PLEKHA6: variants seen among roughly 807,000 people sequenced by gnomAD.
PLEKHA6 encodes the protein pleckstrin homology domain-containing family A member 6.
A neutral mutation model predicts 116.7 loss-of-function variants in PLEKHA6; 60 were observed. That is an observed-to-expected ratio of 0.51 (90% CI 0.42 to 0.64). PLEKHA6 has a LOEUF of 0.64. Ranked by LOEUF, PLEKHA6 falls within the 30% of genes least tolerant of loss-of-function variation. PLEKHA6 has a pLI of 0.00. For missense variants in PLEKHA6, 1,338 were observed against 1,422.7 expected, an observed-to-expected ratio of 0.94 and a Z score of 0.96; for synonymous variants, 489 against 556.1, an observed-to-expected ratio of 0.88 and a Z score of 1.70.
chr1:204,250,620 G>A lies in PLEKHA6; in HGVS notation c.1525-6C>T. The A allele has an allele frequency of 3.1e-6, 5 of 1,608,214 alleles. No individual in the cohort carries two copies. The highest frequency in any genetic ancestry group is 4.3e-6 in the Non-Finnish European group (5 of 1,175,280). ...ACTTCTGGGTATGGAGGGACCTGCAGGAACATGAGGCCGGTTACTGCAGCA... is the reference window on the plus strand; with the variant it reads ...ACTTCTGGGTATGGAGGGACCTGCAAGAACATGAGGCCGGTTACTGCAGCA... On this transcript the variant is annotated splice_region_variant and splice_polypyrimidine_tract_variant and intron_variant, in intron 9 of 22. Transcript: ENST00000272203.
upstream of PLEKHA6, among the ~76,000 whole-genome samples, chr1:204,362,042 C>T (rs1320091743): frequency 2.0e-5 from 3 of 152,190 alleles, no homozygotes; most frequent in Non-Finnish European, 4.4e-5. Flanking sequence ...CTGAGCCAGA[C>T]ATGTGAATGT....
At chr1:204,242,286 T>A (rs1287516936) in intron 15 of PLEKHA6, among the ~76,000 whole-genome samples, 1 of 152,140 alleles carries the variant, frequency 6.6e-6, no homozygotes, top group Non-Finnish European at 1.5e-5. Context: ...ACCTCAGCCA[T>A]CATCTGAGCC....
intron 17 of PLEKHA6, among the ~76,000 whole-genome samples, chr1:204,236,213 A>C (rs1662028849): frequency 6.6e-6 from 1 of 152,236 alleles, no homozygotes. Context: ...TTAATGTTGC[A>C]GCTCAGGGAG....
rs1223858017 is a variant in PLEKHA6, at chr1:204,219,732, A to G, written c.*3056T>C. On this transcript the variant is annotated 3_prime_UTR_variant, in exon 23 of 23. Coordinates refer to ENST00000272203, the MANE Select transcript of PLEKHA6 (RefSeq NM_014935.5). ...ATCCTGCCCAAATCCTTGCAAGGCC[A>G]GAGACCCTTTCCCCACTTTGATGGT... 6.6e-6 allele frequency: 1 copy of G among 152,296 alleles called. No individual in the cohort carries two copies. The highest frequency in any genetic ancestry group is 1.5e-5 in the Non-Finnish European group (1 of 68,084). 9.4% of individuals were successfully genotyped at this position (152,296 alleles called of 1,614,324 possible). A position where few individuals can be genotyped will look rare whatever the true frequency, so the allele number is the denominator to read the frequency against.
rs1411582307 is a variant in PLEKHA6 at position 204,221,680 on chromosome 1, C to T, written c.*1108G>A. ...GTAGGTAAGGCCCCAAGGCTGACCA[C>T]ACCCTACATAAGACAAGTCCTTCTC... On this transcript the variant is annotated 3_prime_UTR_variant, in exon 23 of 23. Transcript: ENST00000272203. The T allele has an allele frequency of 6.6e-6, 1 of 152,352 alleles. No homozygotes were observed. Among genetic ancestry groups the T allele is most frequent in the Admixed American group, 6.5e-5 (1 of 15,286 alleles). 9.4% of individuals were successfully genotyped at this position (152,352 alleles called of 1,614,324 possible).
chr1:204,334,107 A>G (rs1323725355), intron 1 of PLEKHA6, among the ~76,000 whole-genome samples: 2 of 152,156 alleles, frequency 1.3e-5, no homozygotes, highest in South Asian at 2.1e-4. Context: ...AAGTCCTGGG[A>G]TGGGATGATA....
chr1:204,371,957 A>C (rs1673785833), intron 1 of PLEKHA6, among the ~76,000 whole-genome samples: 1 of 152,200 alleles, frequency 6.6e-6, no homozygotes, highest in East Asian at 1.9e-4. Context: ...ACCTGGCATG[A>C]GGTTAAGGAA....
chr1:204,313,746 G>T (rs1671750704), intron 1 of PLEKHA6: 1 of 977,080 alleles, frequency 1.0e-6, no homozygotes, highest in Admixed American at 6.2e-5. Context: ...GGGAGACATG[G>T]TCATTAGCAG....
intron 1 of PLEKHA6, among the ~76,000 whole-genome samples, chr1:204,354,016 C>T (rs1006027566): frequency 2.0e-5 from 3 of 152,176 alleles, no homozygotes; most frequent in Non-Finnish European, 2.9e-5. Context: ...GAACAATGAC[C>T]GCACCACCTG....
intron 1 of PLEKHA6, among the ~76,000 whole-genome samples, chr1:204,322,724 C>G (rs1196605088): frequency 6.6e-6 from 1 of 152,206 alleles, no homozygotes; most frequent in Non-Finnish European, 1.5e-5. Flanking sequence ...CTCACACATG[C>G]TCCTCCACAT....
chr1:204,295,363 G>A (rs538991252), intron 1 of PLEKHA6, among the ~76,000 whole-genome samples: 3 of 152,006 alleles, frequency 2.0e-5, no homozygotes, highest in South Asian at 2.1e-4. Context: ...GGTGGCACAC[G>A]CCTGTAGTCC....
At chr1:204,304,537 C>T (rs1251457688) in intron 1 of PLEKHA6, among the ~76,000 whole-genome samples, 1 of 152,242 alleles carries the variant, frequency 6.6e-6, no homozygotes, top group Non-Finnish European at 1.5e-5. Context: ...TTACCATCTA[C>T]TCTCACCATC....
At chr1:204,239,383 C>G (rs1267659587) in intron 17 of PLEKHA6, among the ~76,000 whole-genome samples, 1 of 152,194 alleles carries the variant, frequency 6.6e-6, no homozygotes, top group Non-Finnish European at 1.5e-5. Context: ...CAACCAGCTA[C>G]CTGGTGGCAG....
At chr1:204,353,090 G>C (rs755636349) in intron 1 of PLEKHA6, among the ~76,000 whole-genome samples, 15 of 152,188 alleles carry the variant, frequency 9.9e-5, no homozygotes, top group Admixed American at 1.3e-4. Context: ...GTAGGGCCAG[G>C]CTCCCAAGTT....
At chr1:204,369,587 T>C (rs1469549692) in intron 2 of PLEKHA6, 1 of 152,236 alleles carries the variant, frequency 6.6e-6, no homozygotes, top group Admixed American at 6.5e-5. Context: ...CCCTCCACAC[T>C]GCCCTCTCTG....
Position 204,278,215 on chromosome 1 carries a change from G to A in PLEKHA6, c.-94-3406C>T, listed in dbSNP as rs576724663. 2.0e-5 allele frequency among the ~76,000 whole-genome samples: 3 copies of A among 152,284 alleles called. No homozygotes were observed. In the East Asian group the frequency reaches 5.8e-4, roughly 29 times the overall value. On this transcript the variant is annotated intron_variant, in intron 1 of 22. Coordinates refer to ENST00000272203, the MANE Select transcript of PLEKHA6 (RefSeq NM_014935.5). Reference sequence around the variant, plus strand: ...CGAAGGTCATCGCTGCCATCCCCCTGCTTCTAGGCAAGCCTGTTCTCCAAT... The same window carrying A: ...CGAAGGTCATCGCTGCCATCCCCCTACTTCTAGGCAAGCCTGTTCTCCAAT...
At chr1:204,364,685 T>C (rs1673617702), upstream of PLEKHA6, among the ~76,000 whole-genome samples, 1 of 152,216 alleles carries the variant, frequency 6.6e-6, no homozygotes, top group African/African-American at 2.4e-5. Flanking sequence ...CTCCGGACTT[T>C]ACGACCCCCC....
Position 204,238,443 on chromosome 1 carries a change from C to T in PLEKHA6, c.2409+2932G>A, listed in dbSNP as rs1025065110. On this transcript the variant is annotated intron_variant, in intron 17 of 22. Coordinates refer to ENST00000272203, the MANE Select transcript of PLEKHA6 (RefSeq NM_014935.5). This position sits in a 1 kb window ranked among gnomAD's most constrained non-coding sequence, Gnocchi z 4.2. ...TTACTGGGCTTTGGTGGAAACTGAA[C>T]GTTTGACTATGGGTCACCAAGTCAC... Among the ~76,000 whole-genome samples the T allele has an allele frequency of 8.5e-5, 13 of 152,146 alleles. No individual in the cohort carries two copies. Among genetic ancestry groups the T allele is most frequent in the Non-Finnish European group, 1.6e-4 (11 of 68,034 alleles).
intron 1 of PLEKHA6, among the ~76,000 whole-genome samples, chr1:204,341,813 T>C (rs1316777173): frequency 1.3e-5 from 2 of 152,170 alleles, no homozygotes; most frequent in African/African-American, 2.4e-5. Context: ...ACTGTACATA[T>C]CCAGTGGTTT....
Sources: gnomAD v4.1 joint callset for allele counts (sites outside exome capture counted in the v4.1 genomes callset) on GRCh38, gnomAD v4.1.1 for gene constraint, Gnocchi (gnomAD v3.1) non-coding constraint, MANE v1.5 for transcripts, NCBI Gene and HGNC (gene_info 2026-07-23, HGNC 2026-07-21) for gene names.